HGD: variants seen among roughly 807,000 people sequenced by gnomAD.
HGD encodes the protein homogentisate 1,2-dioxygenase.
HGD carries 61 observed loss-of-function variants against 60.8 expected under a neutral mutation model. That is an observed-to-expected ratio of 1.00 (90% confidence interval 0.82 to 1.24). HGD has a LOEUF of 1.24. HGD is among the 50% of genes most tolerant of loss of function. HGD has a pLI of 0.00. For missense variants in HGD, 542 were observed against 547.1 expected, an observed-to-expected ratio of 0.99 and a Z score of 0.09; for synonymous variants, 212 against 187.7, an observed-to-expected ratio of 1.13 and a Z score of -1.06.
At chr3:120,637,149 A>C (rs1258699257) in intron 12 of HGD, among the ~76,000 whole-genome samples, 2 of 152,182 alleles carry the variant, frequency 1.3e-5, no homozygotes, top group Non-Finnish European at 2.9e-5. Flanking sequence ...TATTAAAAGC[A>C]TGCTATATAT....
chr3:120,638,439 T>C lies in HGD; in HGVS notation c.1006+16A>G. 1 of 1,613,628 alleles carries C rather than the reference T, an allele frequency of 6.2e-7. No homozygotes were observed. The highest frequency in any genetic ancestry group is 1.1e-5 in the South Asian group (1 of 91,070). On this transcript the variant is annotated intron_variant, in intron 12 of 13. Transcript: ENST00000283871. ...TCTTTGGCTTGCAAATGTGGCTTGG[T>C]AAAAGAGAGACTTACTATGGTAATA...
chr3:120,650,980 G>A lies in HGD; in HGVS notation c.343-115C>T, dbSNP rs558438232. 9.7e-6 allele frequency: 8 copies of A among 827,852 alleles called. No individual in the cohort carries two copies. The South Asian group carries it at 1.1e-4, about 11-fold the overall frequency. 51.3% of individuals were successfully genotyped at this position (827,852 alleles called of 1,614,324 possible). Reference sequence around the variant, plus strand: ...ATTTCTACTAGGGTCTTCCCTTTGGGACCGGTGGGACGTTTGGAATCCAGG... The same window carrying A: ...ATTTCTACTAGGGTCTTCCCTTTGGAACCGGTGGGACGTTTGGAATCCAGG... On this transcript the variant is annotated intron_variant, in intron 5 of 13. Coordinates refer to ENST00000283871, the MANE Select transcript of HGD (RefSeq NM_000187.4).
intron 11 of HGD, among the ~76,000 whole-genome samples, chr3:120,640,521 A>T (rs1940936462): frequency 6.6e-6 from 1 of 152,226 alleles, no homozygotes; most frequent in South Asian, 2.1e-4. Flanking sequence ...CAGTGGTGGC[A>T]TGATCAGAAC....
intron 3 of HGD, among the ~76,000 whole-genome samples, chr3:120,671,089 G>A (rs1450920876): frequency 2.0e-5 from 3 of 152,110 alleles, no homozygotes; most frequent in Non-Finnish European, 4.4e-5. Context: ...TGGCACCTTC[G>A]TCCTCCAGTT....
intron 1 of HGD, among the ~76,000 whole-genome samples, chr3:120,677,739 TC>T (rs1352130977): frequency 6.6e-6 from 1 of 152,186 alleles, no homozygotes; most frequent in Non-Finnish European, 1.5e-5. Flanking sequence ...CATTTGAAAA[TC>T]CCTAATACAA....
intron 12 of HGD, among the ~76,000 whole-genome samples, chr3:120,634,619 T>C (rs1940700628): frequency 6.6e-6 from 1 of 152,200 alleles, no homozygotes; most frequent in Non-Finnish European, 1.5e-5. Flanking sequence ...CCTTTAAAGC[T>C]ACTCATAGTC....
At chr3:120,655,245 C>T (rs889337917) in intron 4 of HGD, among the ~76,000 whole-genome samples, 7 of 152,158 alleles carry the variant, frequency 4.6e-5, no homozygotes, top group Admixed American at 4.6e-4. Context: ...TTTTCAAGGT[C>T]TTCTGTAGCA....
intron 13 of HGD, among the ~76,000 whole-genome samples, chr3:120,630,825 TAC>T (rs1201452131): frequency 2.1e-4 from 22 of 104,122 alleles, no homozygotes; most frequent in Admixed American, 6.9e-4. Flanking sequence ...TATATATATA[TAC>T]ACATACACAC....
rs1940542545 is a variant in HGD, at chr3:120,630,269, G to C, written c.1189-1740C>G. On this transcript the variant is annotated intron_variant, in intron 13 of 13. Coordinates refer to ENST00000283871, the MANE Select transcript of HGD (RefSeq NM_000187.4). ...CGACATTCTTCACAGAACTAGGAAA[G>C]ACTATTTTAAAATTCATATGGAACC... 1.3e-5 allele frequency among the ~76,000 whole-genome samples: 2 copies of C among 151,984 alleles called. 1 individual carries two copies. Among genetic ancestry groups the C allele is most frequent in the Admixed American group, 1.3e-4 (2 of 15,256 alleles).
chr3:120,638,895 G>C (rs1424150117), intron 11 of HGD, among the ~76,000 whole-genome samples: 1 of 151,942 alleles, frequency 6.6e-6, no homozygotes, highest in East Asian at 1.9e-4. Flanking sequence ...TGAATCATGG[G>C]GGCAGGTTTT....
chr3:120,648,800 A>C (rs370658327), intron 6 of HGD, among the ~76,000 whole-genome samples: 6 of 152,126 alleles, frequency 3.9e-5, no homozygotes, highest in African/African-American at 1.4e-4. Context: ...GTCACTGGTC[A>C]CTCATATTTG....
intron 4 of HGD, among the ~76,000 whole-genome samples, chr3:120,658,874 A>G (rs1464128889): frequency 6.6e-6 from 1 of 152,224 alleles, no homozygotes; most frequent in Non-Finnish European, 1.5e-5. Flanking sequence ...GCACCCTTTG[A>G]AGCGGTGCTT....
At chr3:120,645,667 A>T (rs981813235) in intron 9 of HGD, among the ~76,000 whole-genome samples, 3 of 151,960 alleles carry the variant, frequency 2.0e-5, no homozygotes, top group Non-Finnish European at 4.4e-5. Context: ...TGGGGTGTAC[A>T]CAGAGGTTCA....
intron 10 of HGD, chr3:120,641,917 C>T (rs1419026491): frequency 1.8e-6 from 1 of 554,440 alleles, no homozygotes; most frequent in Non-Finnish European, 3.3e-6. Context: ...TAAGCTGCAG[C>T]TGCCTTCTGA....
chr3:120,650,342 C>T (rs1345352142), intron 6 of HGD, among the ~76,000 whole-genome samples: 1 of 152,222 alleles, frequency 6.6e-6, no homozygotes, highest in Non-Finnish European at 1.5e-5. Context: ...CAAGCTGTAG[C>T]CCAATCACCT....
intron 4 of HGD, among the ~76,000 whole-genome samples, chr3:120,660,114 C>T (rs113869017): frequency 0.11 from 16,721 of 152,130 alleles, 1,168 homozygotes; most frequent in Middle Eastern, 0.17. Context: ...CCTTGCTCCC[C>T]CTTTGCCTTC....
chr3:120,632,646 C>T (rs1052942478), intron 13 of HGD, among the ~76,000 whole-genome samples: 2 of 152,208 alleles, frequency 1.3e-5, no homozygotes, highest in Non-Finnish European at 2.9e-5. Context: ...GCCTCCGCTA[C>T]TACTGTGGCC....
chr3:120,634,627 G>C lies in HGD; in HGVS notation c.1007-1299C>G, dbSNP rs957681165. 5.3e-5 allele frequency among the ~76,000 whole-genome samples: 8 copies of C among 152,328 alleles called. No homozygotes were observed. In the East Asian group the frequency reaches 1.5e-3, roughly 29 times the overall value. ...AACATAGCCTTTAAAGCTACTCATA[G>C]TCTGTCCTGTGAGAGTACTGAGAGG... On this transcript the variant is annotated intron_variant, in intron 12 of 13. Coordinates refer to ENST00000283871, the MANE Select transcript of HGD (RefSeq NM_000187.4).
Position 120,646,336 on chromosome 3 carries a change from C to T in HGD, c.580G>A (p.Glu194Lys). ...RGMRFSIDVF[E>K]ETRGYILEVY... ...TCCAAGATGTAGCCCCTGGTCTCCTCAAAGACATCTATGCTGAACCGCATT... is the reference window on the plus strand; with the variant it reads ...TCCAAGATGTAGCCCCTGGTCTCCTTAAAGACATCTATGCTGAACCGCATT... Residue 194 changes from glutamate to lysine, a missense_variant, in exon 9 of 14, where the codon GAG (glutamate) becomes AAG (lysine). Physicochemically the swap from Glu to Lys is moderately conservative, Grantham distance 56. Coordinates refer to ENST00000283871, the MANE Select transcript of HGD (RefSeq NM_000187.4). The T allele has an allele frequency of 1.2e-6, 2 of 1,613,418 alleles. No individual in the cohort carries two copies. Among genetic ancestry groups the T allele is most frequent in the Non-Finnish European group, 1.7e-6 (2 of 1,179,426 alleles).
Sources: allele counts gnomAD v4.1 joint callset (sites outside exome capture counted in the v4.1 genomes callset), GRCh38; gene constraint gnomAD v4.1.1; transcripts MANE v1.5; gene names NCBI Gene and HGNC (gene_info 2026-07-23, HGNC 2026-07-21).